The following TEX10 variants were observed in gnomAD, a reference collection of about 807,000 sequenced individuals.
The protein encoded by TEX10 is testis-expressed protein 10.
In TEX10, 24 loss-of-function variants were observed where a neutral mutation model predicts 104.4. That is an observed-to-expected ratio of 0.23 (90% confidence interval 0.17 to 0.32). The LOEUF (loss-of-function observed/expected upper bound fraction) is 0.32. TEX10 is among the 10% of genes least tolerant of loss of function. The probability of loss-of-function intolerance (pLI) is 1.00; values close to 1 mark genes in which losing one functional copy is unlikely to be tolerated. For missense variants in TEX10, 921 were observed against 1,083.9 expected, an observed-to-expected ratio of 0.85 and a Z score of 2.11; for synonymous variants, 396 against 393.4, an observed-to-expected ratio of 1.01 and a Z score of -0.08.
chr9:100,335,697 T>C (rs1189178287), intron 5 of TEX10, among the ~76,000 whole-genome samples: 1 of 151,994 alleles, frequency 6.6e-6, no homozygotes, highest in Non-Finnish European at 1.5e-5. Context: ...GTATCATTAG[T>C]GCAAATGTCA....
chr9:100,325,717 G>A (rs911895464), intron 9 of TEX10, among the ~76,000 whole-genome samples: 1 of 152,096 alleles, frequency 6.6e-6, no homozygotes, highest in African/African-American at 2.4e-5. Flanking sequence ...TTATAGCAGA[G>A]ATGGGGTTTC....
intron 9 of TEX10, among the ~76,000 whole-genome samples, chr9:100,323,475 CAATCTGGCTATAAAT>C (rs1343328671): frequency 2.6e-5 from 4 of 152,218 alleles, no homozygotes; most frequent in Admixed American, 1.3e-4. Flanking sequence ...TCTGTTTCCC[CAATCTGGCTATAAAT>C]AAACTGGGGT....
rs1225525527 is a variant in TEX10, at chr9:100,329,357, C to T, written c.1490-82G>A. 8.6e-6 allele frequency: 13 copies of T among 1,516,828 alleles called. No individual in the cohort carries two copies. The Admixed American group carries it at 3.1e-4, about 36-fold the overall frequency. The allele number at this position is 1,516,828 out of a possible 1,614,324, so 94.0% of individuals were successfully genotyped here. On this transcript the variant is annotated intron_variant, in intron 6 of 14. Transcript: ENST00000374902. ...AAATTCCTCTGAATGCACCGAAGTA[C>T]TTTACTTTCTTCCTATGGCAAAGCC...
intron 4 of TEX10, among the ~76,000 whole-genome samples, chr9:100,341,954 C>T (rs1473977387): frequency 6.6e-6 from 1 of 152,190 alleles, no homozygotes; most frequent in Non-Finnish European, 1.5e-5. Flanking sequence ...GGTCTTTTCG[C>T]CACACTCAGG....
At position 100,346,327 on chromosome 9, in the gene TEX10, A is replaced by G; in HGVS notation, c.894-12T>C. ...CTCCAACCAGATACCTAATAAGGGT[A>G]AGAAAGAAAAAAATTAAGTGATTAA... On this transcript the variant is annotated splice_polypyrimidine_tract_variant and intron_variant, in intron 3 of 14. Transcript: ENST00000374902. 3 of 1,585,160 alleles carry G rather than the reference A, an allele frequency of 1.9e-6. No individual in the cohort carries two copies. The highest frequency in any genetic ancestry group is 1.7e-6 in the Non-Finnish European group (2 of 1,170,034).
chr9:100,349,217 T>C lies in TEX10; in HGVS notation c.147A>G (p.Thr49=). The change falls in exon 2 of 15, where the codon ACA becomes ACG. Residue 49 remains threonine (T), a synonymous_variant. Transcript: ENST00000374902. The part of the protein sequence containing the change: ...HLPEQLKEDG[T]LPTNNRKLNI... ...TAAGTTTTCTATTGTTTGTTGGAAG[T>C]GTTCCATCCTCTTTGAGTTGCTCAG... 2 of 1,552,792 alleles carry C rather than the reference T, an allele frequency of 1.3e-6. No individual in the cohort carries two copies. The highest frequency in any genetic ancestry group is 2.3e-5 in the East Asian group (1 of 43,228).
intron 11 of TEX10, among the ~76,000 whole-genome samples, chr9:100,318,794 T>C (rs987458493): frequency 1.3e-5 from 2 of 152,214 alleles, no homozygotes; most frequent in South Asian, 4.1e-4. Flanking sequence ...CTGGGCATGA[T>C]GCCATATGCC....
intron 13 of TEX10, chr9:100,305,980 T>C (rs1191697247): frequency 6.6e-6 from 1 of 152,126 alleles, no homozygotes; most frequent in Non-Finnish European, 1.5e-5. Context: ...TAAGGGAGAA[T>C]GCCGACACCG....
At chr9:100,324,772 G>T (rs907366267) in intron 9 of TEX10, among the ~76,000 whole-genome samples, 2 of 152,152 alleles carry the variant, frequency 1.3e-5, no homozygotes, top group African/African-American at 2.4e-5. Context: ...GGAACTGAAT[G>T]TAAGTTATAT....
chr9:100,352,487 T>C (rs1835480733), intron 1 of TEX10: 1 of 1,551,230 alleles, frequency 6.4e-7, no homozygotes, highest in East Asian at 2.4e-5. Context: ...GTCGGGGAAG[T>C]GGGGCCCGAT....
chr9:100,308,452 G>T, intron 13 of TEX10, 48 bp downstream of exon 13: 1 of 1,478,124 alleles, frequency 6.8e-7, no homozygotes, highest in Admixed American at 2.2e-5. Flanking sequence ...TTGGTTGGGG[G>T]AGGAGGAACA....
At chr9:100,349,454 C>T in intron 1 of TEX10, 82 bp from the exon 2 acceptor site, 1 of 777,602 alleles carries the variant, frequency 1.3e-6, no homozygotes, top group Non-Finnish European at 1.9e-6. Context: ...ACACATACTA[C>T]TGTAACATTT....
intron 11 of TEX10, among the ~76,000 whole-genome samples, chr9:100,315,587 T>C (rs1834395715): frequency 6.6e-6 from 1 of 152,250 alleles, no homozygotes; most frequent in South Asian, 2.1e-4. Context: ...TGTAAAAGTA[T>C]AGCTACTCCT....
intron 9 of TEX10, among the ~76,000 whole-genome samples, chr9:100,324,554 G>A (rs1834655254): frequency 6.6e-6 from 1 of 152,022 alleles, no homozygotes; most frequent in African/African-American, 2.4e-5. Context: ...TTAAATATGA[G>A]TCTGTATTAT....
intron 4 of TEX10, among the ~76,000 whole-genome samples, chr9:100,342,220 G>C (rs1467273320): frequency 6.6e-6 from 1 of 152,214 alleles, no homozygotes; most frequent in African/African-American, 2.4e-5. Flanking sequence ...CTTATTCTCA[G>C]AGAGCATTTG....
intron 5 of TEX10, 86 bp from the exon 6 acceptor site, chr9:100,330,255 G>GT: frequency 9.2e-7 from 1 of 1,084,874 alleles, no homozygotes; most frequent in Non-Finnish European, 1.3e-6. Flanking sequence ...TATCAATGGA[G>GT]TTTTAAAAAA....
At chr9:100,313,771 G>A (rs2118844477) in intron 11 of TEX10, among the ~76,000 whole-genome samples, 1 of 151,528 alleles carries the variant, frequency 6.6e-6, no homozygotes, top group South Asian at 2.1e-4. Flanking sequence ...TTGAACCCAG[G>A]AGGCAGAGGT....
rs866333554 is a variant in TEX10 at position 100,349,208 on chromosome 9, T to C, written c.156A>G (p.Thr52=). 2 of 1,548,410 alleles carry C rather than the reference T, an allele frequency of 1.3e-6. No individual in the cohort carries two copies. The highest frequency in any genetic ancestry group is 8.6e-7 in the Non-Finnish European group (1 of 1,156,496). The change falls in exon 2 of 15, where the codon ACA becomes ACG. Residue 52 remains threonine, a synonymous_variant. Coordinates refer to ENST00000374902, the MANE Select transcript of TEX10 (RefSeq NM_017746.4). ...CCTTTATGTTAAGTTTTCTATTGTT[T>C]GTTGGAAGTGTTCCATCCTCTTTGA... ...EQLKEDGTLP[T]NNRKLNIKDL... is the part of the protein sequence containing the mutation.
Position 100,302,235 on chromosome 9 carries a change from T to C in TEX10, c.2746A>G (p.Thr916Ala). The change falls in exon 15 of 15, where the codon ACT (threonine) becomes GCT (alanine). Residue 916 changes from threonine to alanine, a missense_variant. Thr to Ala is a moderately conservative substitution (Grantham distance 58). This residue lies in a region of TEX10 where 753 missense variants were observed against 868.4 expected (regional missense o/e 0.87). Transcript: ENST00000374902. Reference protein sequence around the residue: ...DLHYCFNVYITGHPQGPSALA... With the variant: ...DLHYCFNVYIAGHPQGPSALA... ...GCACTGGGCCCTTGGGGATGCCCAG[T>C]GATATACACGTTGAAGCAGTAATGT... 6.2e-7 allele frequency: 1 copy of C among 1,613,300 alleles called. No individual in the cohort carries two copies. Among genetic ancestry groups the C allele is most frequent in the Non-Finnish European group, 8.5e-7 (1 of 1,179,470 alleles).
Sources: gnomAD v4.1 joint callset for allele counts (sites outside exome capture counted in the v4.1 genomes callset) on GRCh38, gnomAD v4.1.1 for gene constraint, gnomAD v4.1.1 regional missense constraint, MANE v1.5 for transcripts, NCBI Gene and HGNC (gene_info 2026-07-23, HGNC 2026-07-21) for gene names.